CCSER1: variants seen among roughly 807,000 people sequenced by gnomAD.
CCSER1 encodes the protein coiled-coil serine rich protein 1, also known as serine-rich coiled-coil domain-containing protein 1.
A neutral mutation model predicts 82.0 loss-of-function variants in CCSER1; 41 were observed. The ratio of observed to expected loss-of-function variants is 0.50; its 90% confidence interval spans 0.39 to 0.65. The LOEUF is 0.65. Among genes scored for constraint, CCSER1 ranks in the 30% least tolerant of loss-of-function variants. CCSER1 has a pLI of 0.00. For missense variants in CCSER1, 1,119 were observed against 1,064.2 expected (o/e 1.05, Z -0.72); for synonymous variants, 414 against 383.9 (o/e 1.08, Z -0.92).
chr4:90,892,046 A>G (rs923387180), intron 8 of CCSER1, among the ~76,000 whole-genome samples: 18 of 152,086 alleles, frequency 1.2e-4, no homozygotes, highest in Admixed American at 1.2e-3. Context: ...AACTCATTTT[A>G]TTAATGTGCA....
At chr4:91,098,570 C>A (rs968142999) in intron 10 of CCSER1, among the ~76,000 whole-genome samples, 3 of 149,002 alleles carry the variant, frequency 2.0e-5, no homozygotes, top group Non-Finnish European at 4.4e-5. Flanking sequence ...GAGATGGAGT[C>A]TTGCTGTGTT....
intron 7 of CCSER1, among the ~76,000 whole-genome samples, chr4:90,776,355 A>G (rs1205834774): frequency 6.6e-6 from 1 of 152,198 alleles, no homozygotes; most frequent in African/African-American, 2.4e-5. Context: ...TTTGGTTAAA[A>G]GAAGAAAATT....
chr4:90,789,376 A>T (rs1754935047), intron 7 of CCSER1, among the ~76,000 whole-genome samples: 1 of 151,954 alleles, frequency 6.6e-6, no homozygotes, highest in Middle Eastern at 3.2e-3. Context: ...TTTCTTCACA[A>T]TCACTTTTTT....
intron 10 of CCSER1, among the ~76,000 whole-genome samples, chr4:91,366,062 A>G (rs1053283814): frequency 6.6e-6 from 1 of 152,192 alleles, no homozygotes; most frequent in Non-Finnish European, 1.5e-5. Context: ...CTTGTTGCCC[A>G]GGCTGGAATG....
chr4:91,035,035 A>T (rs954038661), intron 9 of CCSER1, among the ~76,000 whole-genome samples: 1 of 152,156 alleles, frequency 6.6e-6, no homozygotes, highest in African/African-American at 2.4e-5. Flanking sequence ...GGTTTTTTAA[A>T]TGTTTTCTAT....
chr4:90,340,333 T>C (rs1323397765), intron 3 of CCSER1, among the ~76,000 whole-genome samples: 6 of 152,134 alleles, frequency 3.9e-5, no homozygotes, highest in Non-Finnish European at 5.9e-5. Flanking sequence ...CCTCAAAAAC[T>C]AAAAGCAAGC....
intron 5 of CCSER1, among the ~76,000 whole-genome samples, chr4:90,544,939 C>T (rs544720600): frequency 5.7e-4 from 87 of 152,174 alleles, no homozygotes; most frequent in Non-Finnish European, 1.1e-3. Context: ...CTCTGTCTTT[C>T]CAGAGCTTTC....
chr4:91,247,778 G>A (rs1739913257), intron 10 of CCSER1, among the ~76,000 whole-genome samples: 1 of 152,126 alleles, frequency 6.6e-6, no homozygotes, highest in Admixed American at 6.5e-5. Context: ...TGAGACAGGA[G>A]AATCACTCAA....
intron 10 of CCSER1, among the ~76,000 whole-genome samples, chr4:91,258,723 A>C (rs1252860736): frequency 6.6e-6 from 1 of 152,158 alleles, no homozygotes; most frequent in Non-Finnish European, 1.5e-5. Flanking sequence ...GTCCTATGCT[A>C]ATATGCAAAA....
chr4:90,815,912 A>G (rs1243309258), intron 8 of CCSER1, 67 bp downstream of exon 8: 3 of 965,014 alleles, frequency 3.1e-6, no homozygotes, highest in Non-Finnish European at 4.7e-6. Flanking sequence ...CCACGCCCTT[A>G]TTTATTAACA....
Position 90,450,813 on chromosome 4 carries a change from C to T in CCSER1, c.1604-17421C>T, listed in dbSNP as rs569211808. ...TTGAATAGAAGTGGCCTTATTCATG[C>T]GATTGGGCCTCTGATAGTTGTTGCA... On this transcript the variant is annotated intron_variant, in intron 4 of 10. Coordinates refer to ENST00000509176, the MANE Select transcript of CCSER1 (RefSeq NM_001145065.2). Among the ~76,000 whole-genome samples, 15 of 152,230 alleles carry T rather than the reference C, an allele frequency of 9.9e-5. No individual in the cohort carries two copies. The South Asian group carries it at 1.0e-3, about 11-fold the overall frequency.
At chr4:91,111,462 T>C (rs1726087809) in intron 10 of CCSER1, among the ~76,000 whole-genome samples, 1 of 151,974 alleles carries the variant, frequency 6.6e-6, no homozygotes, top group South Asian at 2.1e-4. Flanking sequence ...GATATATGAA[T>C]ATGAGGACCA....
intron 8 of CCSER1, among the ~76,000 whole-genome samples, chr4:90,918,636 G>T (rs557835850): frequency 0.047 from 7,080 of 149,492 alleles, 258 homozygotes; most frequent in East Asian, 0.1. Flanking sequence ...TCATTCAAGA[G>T]AGATATATAT....
At chr4:90,932,777 G>A (rs1357869536) in intron 9 of CCSER1, among the ~76,000 whole-genome samples, 6 of 139,070 alleles carry the variant, frequency 4.3e-5, no homozygotes, top group Non-Finnish European at 6.1e-5. Flanking sequence ...GCAGTGAGCC[G>A]AGATTGTGCC....
chr4:90,516,884 G>T (rs1772359214), intron 5 of CCSER1, among the ~76,000 whole-genome samples: 1 of 152,252 alleles, frequency 6.6e-6, no homozygotes, highest in Non-Finnish European at 1.5e-5. Context: ...GGTGGATTTT[G>T]CTTTGAAAAT....
intron 1 of CCSER1, among the ~76,000 whole-genome samples, chr4:90,233,486 G>T (rs1051098543): frequency 3.9e-5 from 6 of 152,070 alleles, no homozygotes; most frequent in African/African-American, 1.4e-4. Context: ...GGTGGGGAAA[G>T]TGGGGAGGGA....
chr4:91,070,886 A>G (rs1438130869), intron 9 of CCSER1, among the ~76,000 whole-genome samples: 1 of 152,186 alleles, frequency 6.6e-6, no homozygotes, highest in Admixed American at 6.5e-5. Context: ...ATTTAATAGA[A>G]AAACATGATG....
chr4:90,201,323 A>G (rs538774702), intron 1 of CCSER1, among the ~76,000 whole-genome samples: 1 of 152,280 alleles, frequency 6.6e-6, no homozygotes, highest in Admixed American at 6.5e-5. Flanking sequence ...TTGCTCTTAA[A>G]GAACATGCTG....
chr4:90,494,835 A>G (rs1014503960), intron 5 of CCSER1, among the ~76,000 whole-genome samples: 1 of 151,626 alleles, frequency 6.6e-6, no homozygotes, highest in Non-Finnish European at 1.5e-5. Flanking sequence ...CACGCCATAG[A>G]CAGGAAATGG....
Sources: gnomAD v4.1 joint callset for allele counts (sites outside exome capture counted in the v4.1 genomes callset) on GRCh38, gnomAD v4.1.1 for gene constraint, MANE v1.5 for transcripts, NCBI Gene and HGNC (gene_info 2026-07-23, HGNC 2026-07-21) for gene names.